The following ROBO1 variants were observed in gnomAD, a reference collection of about 807,000 sequenced individuals.
ROBO1 encodes the protein roundabout guidance receptor 1.
In ROBO1, 149 loss-of-function variants were observed where a neutral mutation model predicts 195.9. The observed-to-expected ratio is 0.76, with a 90% CI of 0.67 to 0.87. The LOEUF is 0.87. Ranked by LOEUF, ROBO1 falls within the 40% of genes least tolerant of loss-of-function variation. The pLI, the probability that ROBO1 is intolerant of heterozygous loss-of-function variation, is 0.00. For missense variants in ROBO1, 1,933 were observed against 2,068.3 expected, an observed-to-expected ratio of 0.93 and a Z score of 1.27; for synonymous variants, 816 against 733.2, an observed-to-expected ratio of 1.11 and a Z score of -1.82.
chr3:79,765,815 A>G (rs890776217), intron 1 of ROBO1, among the ~76,000 whole-genome samples: 27 of 152,146 alleles, frequency 1.8e-4, no homozygotes, highest in African/African-American at 6.0e-4. Context: ...GGCCCATTCT[A>G]TAGGGTCCTG....
chr3:79,445,664 T>A (rs2039226140), intron 2 of ROBO1, among the ~76,000 whole-genome samples: 1 of 145,736 alleles, frequency 6.9e-6, no homozygotes, highest in South Asian at 2.2e-4. Context: ...GCCTGGCAAT[T>A]TTTTTTTTTT....
chr3:79,346,344 C>T (rs770907737), intron 2 of ROBO1, among the ~76,000 whole-genome samples: 1 of 151,954 alleles, frequency 6.6e-6, no homozygotes, highest in Non-Finnish European at 1.5e-5. Flanking sequence ...TTTTCTGATA[C>T]TTTCAATTTG....
chr3:79,548,409 T>G (rs2107663959), intron 2 of ROBO1, among the ~76,000 whole-genome samples: 1 of 152,270 alleles, frequency 6.6e-6, no homozygotes, highest in African/African-American at 2.4e-5. Context: ...TAAATAATTG[T>G]TTGTGAAGAG....
intron 1 of ROBO1, among the ~76,000 whole-genome samples, chr3:79,666,244 A>G (rs1946472762): frequency 6.6e-6 from 1 of 151,882 alleles, no homozygotes; most frequent in Admixed American, 6.6e-5. Context: ...AAAGAATCCC[A>G]TTTGGGTTTC....
intron 22 of ROBO1, among the ~76,000 whole-genome samples, chr3:78,636,993 A>G (rs1705558074): frequency 7.3e-6 from 1 of 137,818 alleles, no homozygotes; most frequent in Non-Finnish European, 1.5e-5. Context: ...TGAAAATATT[A>G]AAATGGTAGG....
chr3:79,279,044 C>T (rs961920927), intron 2 of ROBO1, among the ~76,000 whole-genome samples: 1 of 151,902 alleles, frequency 6.6e-6, no homozygotes, highest in African/African-American at 2.4e-5. Context: ...GGAGGCCAAG[C>T]AGGCAGATCA....
chr3:79,325,290 A>G (rs2034156030), intron 2 of ROBO1, among the ~76,000 whole-genome samples: 1 of 152,226 alleles, frequency 6.6e-6, no homozygotes, highest in African/African-American at 2.4e-5. Context: ...AGTAAATCCA[A>G]TAGGAAGCCT....
intron 4 of ROBO1, among the ~76,000 whole-genome samples, chr3:78,898,140 C>CAT (rs759399986): frequency 0.016 from 2,388 of 145,570 alleles, 27 homozygotes; most frequent in Middle Eastern, 0.051. Context: ...AGTTCTAAAA[C>CAT]ATATATATAT....
chr3:79,044,280 C>T (rs2078548315), intron 3 of ROBO1, among the ~76,000 whole-genome samples: 1 of 152,090 alleles, frequency 6.6e-6, no homozygotes, highest in African/African-American at 2.4e-5. Context: ...AAATGCTTAA[C>T]TTTCCACTGC....
chr3:79,378,154 ACTCTCTCT>A (rs3057946), intron 2 of ROBO1, among the ~76,000 whole-genome samples: 48 of 146,754 alleles, frequency 3.3e-4, no homozygotes, highest in Non-Finnish European at 3.9e-4. Flanking sequence ...TCTTATGGTC[ACTCTCTCT>A]CTCTCTCTCT....
chr3:79,412,058 T>G (rs1368381410), intron 2 of ROBO1, among the ~76,000 whole-genome samples: 2 of 151,662 alleles, frequency 1.3e-5, no homozygotes, highest in Non-Finnish European at 2.9e-5. Context: ...CTATTGAGAG[T>G]TCTGTCACAG....
chr3:79,691,596 G>A (rs1435375596), intron 1 of ROBO1, among the ~76,000 whole-genome samples: 1 of 151,676 alleles, frequency 6.6e-6, no homozygotes, highest in Non-Finnish European at 1.5e-5. Flanking sequence ...AAAATTAATT[G>A]ACTTGTTTTC....
chr3:79,216,712 T>A (rs2108815369), intron 2 of ROBO1, among the ~76,000 whole-genome samples: 1 of 152,184 alleles, frequency 6.6e-6, no homozygotes, highest in South Asian at 2.1e-4. Context: ...AAGATGCATT[T>A]AAAATAATCA....
At chr3:79,562,752 G>A (rs2107715687) in intron 2 of ROBO1, among the ~76,000 whole-genome samples, 1 of 151,762 alleles carries the variant, frequency 6.6e-6, no homozygotes, top group South Asian at 2.1e-4. Flanking sequence ...ATTTCTTATT[G>A]TTTTTCTCAA....
intron 2 of ROBO1, among the ~76,000 whole-genome samples, chr3:79,337,370 G>C (rs2034721450): frequency 6.6e-6 from 1 of 152,160 alleles, no homozygotes; most frequent in Non-Finnish European, 1.5e-5. Flanking sequence ...CATGGAGGCA[G>C]TTTCCCCATA....
At chr3:79,402,115 G>A (rs1004592902) in intron 2 of ROBO1, among the ~76,000 whole-genome samples, 20 of 151,476 alleles carry the variant, frequency 1.3e-4, no homozygotes, top group African/African-American at 4.6e-4. Context: ...AAAATACAAC[G>A]TAATTTTCTC....
intron 26 of ROBO1, among the ~76,000 whole-genome samples, chr3:78,624,456 A>G (rs1419066301): frequency 1.3e-5 from 2 of 152,168 alleles, no homozygotes; most frequent in East Asian, 1.9e-4. Flanking sequence ...ATTGAAAATC[A>G]TACCTTTGAG....
At chr3:78,972,084 C>T (rs1386650814) in intron 3 of ROBO1, among the ~76,000 whole-genome samples, 4 of 152,132 alleles carry the variant, frequency 2.6e-5, no homozygotes, top group African/African-American at 7.2e-5. Flanking sequence ...TTTAAAATAT[C>T]TCAAAAGTTA....
At chr3:79,172,420 C>T (rs962235144) in intron 2 of ROBO1, among the ~76,000 whole-genome samples, 5 of 152,140 alleles carry the variant, frequency 3.3e-5, no homozygotes, top group Non-Finnish European at 5.9e-5. Flanking sequence ...TTCTGTACTT[C>T]ATCATCCCCT....
Sources: gnomAD v4.1 joint callset for allele counts (sites outside exome capture counted in the v4.1 genomes callset) on GRCh38, gnomAD v4.1.1 for gene constraint, MANE v1.5 for transcripts, NCBI Gene and HGNC (gene_info 2026-07-23, HGNC 2026-07-21) for gene names.